The following OSBPL6 variants were observed in gnomAD, a reference collection of about 807,000 sequenced individuals.
OSBPL6 encodes the protein oxysterol binding protein like 6.
OSBPL6 carries 49 observed loss-of-function variants against 125.8 expected under a neutral mutation model. The ratio of observed to expected loss-of-function variants is 0.39; its 90% CI spans 0.31 to 0.49. The LOEUF is 0.49. OSBPL6 is among the 20% of genes least tolerant of loss of function. The pLI is 0.88. For missense variants in OSBPL6, 986 were observed against 1,135.4 expected, an observed-to-expected ratio of 0.87 and a Z score of 1.89; for synonymous variants, 394 against 391.8, an observed-to-expected ratio of 1.01 and a Z score of -0.07.
At chr2:178,342,950 T>C (rs1423332973) in intron 11 of OSBPL6, among the ~76,000 whole-genome samples, 5 of 152,208 alleles carry the variant, frequency 3.3e-5, no homozygotes, top group Admixed American at 3.3e-4. Flanking sequence ...TTTTACTACA[T>C]TAAGTAGAAA....
intron 1 of OSBPL6, among the ~76,000 whole-genome samples, chr2:178,218,294 C>G (rs973156834): frequency 1.3e-5 from 2 of 151,838 alleles, no homozygotes; most frequent in Non-Finnish European, 2.9e-5. Flanking sequence ...CCTCTTGACT[C>G]TTTGTCCTCA....
intron 2 of OSBPL6, among the ~76,000 whole-genome samples, chr2:178,289,016 C>CT (rs58943076): frequency 0.028 from 3,635 of 130,566 alleles, 148 homozygotes; most frequent in African/African-American, 0.072. Context: ...TCTTTTTCTT[C>CT]TTTTTTTTTT....
intron 11 of OSBPL6, among the ~76,000 whole-genome samples, chr2:178,348,509 A>T (rs1263604458): frequency 6.6e-6 from 1 of 152,152 alleles, no homozygotes; most frequent in Admixed American, 6.5e-5. Flanking sequence ...GCAAGGAAGT[A>T]CCTCTAGCCA....
intron 1 of OSBPL6, among the ~76,000 whole-genome samples, chr2:178,258,347 C>T (rs997318652): frequency 2.0e-5 from 3 of 151,218 alleles, no homozygotes; most frequent in Non-Finnish European, 4.4e-5. Flanking sequence ...CGGCCCGCCT[C>T]GGCCTCCCAG....
At chr2:178,266,534 C>G (rs1251136543) in intron 1 of OSBPL6, among the ~76,000 whole-genome samples, 1 of 152,154 alleles carries the variant, frequency 6.6e-6, no homozygotes, top group Non-Finnish European at 1.5e-5. Context: ...CTTGCTCCGT[C>G]TGTAAGGTGG....
At chr2:178,262,262 C>G (rs2092088407) in intron 1 of OSBPL6, among the ~76,000 whole-genome samples, 2 of 152,092 alleles carry the variant, frequency 1.3e-5, no homozygotes, top group African/African-American at 4.8e-5. Flanking sequence ...ATGCCAGTCT[C>G]AAAACTATGT....
chr2:178,250,403 G>A (rs1292789032), intron 1 of OSBPL6, among the ~76,000 whole-genome samples: 2 of 152,078 alleles, frequency 1.3e-5, no homozygotes, highest in Non-Finnish European at 2.9e-5. Context: ...CCTGCCCTAA[G>A]TTTCTGCTCT....
intron 1 of OSBPL6, among the ~76,000 whole-genome samples, chr2:178,215,246 G>A (rs111970952): frequency 2.4e-4 from 37 of 152,278 alleles, no homozygotes; most frequent in African/African-American, 8.7e-4. Flanking sequence ...TACCTATTCT[G>A]CTGATGTATG....
At chr2:178,198,201 A>T (rs1237949668) in intron 1 of OSBPL6, among the ~76,000 whole-genome samples, 1 of 152,234 alleles carries the variant, frequency 6.6e-6, no homozygotes, top group Non-Finnish European at 1.5e-5. Flanking sequence ...AATGAAAAGG[A>T]TTAGTTTAAA....
At position 178,384,104 on chromosome 2, in the gene OSBPL6, A is replaced by G; in HGVS notation, c.1941A>G (p.Pro647=). ...CCTATTTCAGAGCAGGAAGTAAGCC[A>G]TTCAACCCAGTCCTTGGGGAGACTT... ...CSTYFRAGSK[P]FNPVLGETYE... The change falls in exon 18 of 25, where the codon CCA becomes CCG. Residue 647 remains proline (P), a synonymous_variant. Coordinates refer to ENST00000190611, the MANE Select transcript of OSBPL6 (RefSeq NM_032523.4). 6.2e-7 allele frequency: 1 copy of G among 1,614,212 alleles called. No individual in the cohort carries two copies. The highest frequency in any genetic ancestry group is 8.5e-7 in the Non-Finnish European group (1 of 1,180,014).
intron 2 of OSBPL6, among the ~76,000 whole-genome samples, chr2:178,304,268 C>T (rs1471313441): frequency 1.3e-5 from 2 of 152,058 alleles, no homozygotes; most frequent in Non-Finnish European, 2.9e-5. Flanking sequence ...CCCAAGAGCA[C>T]CTAATTTATA....
intron 1 of OSBPL6, among the ~76,000 whole-genome samples, chr2:178,223,881 A>G (rs1177397998): frequency 1.3e-5 from 2 of 152,228 alleles, no homozygotes; most frequent in Non-Finnish European, 2.9e-5. Context: ...GGCTGATTGC[A>G]CAGAGACTTT....
intron 14 of OSBPL6, 107 bp from the exon 15 acceptor site, chr2:178,373,783 C>T: frequency 7.2e-7 from 1 of 1,383,236 alleles, no homozygotes; most frequent in Non-Finnish European, 9.7e-7. Context: ...TTGTGGCTGC[C>T]ACTTTTTAAC....
At chr2:178,292,133 C>T (rs1050961548) in intron 2 of OSBPL6, among the ~76,000 whole-genome samples, 1 of 151,834 alleles carries the variant, frequency 6.6e-6, no homozygotes, top group Non-Finnish European at 1.5e-5. Context: ...TTTTTTTTCC[C>T]CGAAACTCAA....
At chr2:178,339,572 A>G in intron 10 of OSBPL6, 100 bp from the exon 11 acceptor site, 1 of 909,798 alleles carries the variant, frequency 1.1e-6, no homozygotes, top group South Asian at 2.7e-5. Context: ...TATAGGCTCT[A>G]ACAATGACCT....
intron 1 of OSBPL6, among the ~76,000 whole-genome samples, chr2:178,238,413 C>T (rs10445766): frequency 0.16 from 24,155 of 152,000 alleles, 2,429 homozygotes; most frequent in South Asian, 0.23. Flanking sequence ...CCTTATTTTA[C>T]GTAATAATGG....
intron 1 of OSBPL6, among the ~76,000 whole-genome samples, chr2:178,200,343 C>T (rs1433779541): frequency 6.6e-6 from 1 of 151,058 alleles, no homozygotes; most frequent in Non-Finnish European, 1.5e-5. Context: ...CCTCCACCTC[C>T]TGGGTTCAAG....
intron 15 of OSBPL6, among the ~76,000 whole-genome samples, chr2:178,376,290 C>T (rs1335626808): frequency 6.6e-6 from 1 of 152,172 alleles, no homozygotes; most frequent in Non-Finnish European, 1.5e-5. Flanking sequence ...GCCCATACCT[C>T]TCATATCGCC....
At chr2:178,310,363 C>G (rs1357059783) in intron 3 of OSBPL6, among the ~76,000 whole-genome samples, 1 of 149,384 alleles carries the variant, frequency 6.7e-6, no homozygotes, top group Non-Finnish European at 1.5e-5. Context: ...GTGATTTCAA[C>G]TTGGATTTTA....
Sources: allele counts gnomAD v4.1 joint callset (sites outside exome capture counted in the v4.1 genomes callset), GRCh38; gene constraint gnomAD v4.1.1; transcripts MANE v1.5; gene names NCBI Gene and HGNC (gene_info 2026-07-23, HGNC 2026-07-21).